PDE1C: variants seen among roughly 807,000 people sequenced by gnomAD.
PDE1C encodes dual specificity calcium/calmodulin-dependent 3',5'-cyclic nucleotide phosphodiesterase 1C.
PDE1C carries 62 observed loss-of-function variants against 93.1 expected under a neutral mutation model. The observed-to-expected ratio is 0.67, with a 90% CI of 0.54 to 0.82. The LOEUF (loss-of-function observed/expected upper bound fraction) is 0.82, where lower values mean the gene tolerates loss of function less well. Ranked by LOEUF, PDE1C falls within the 40% of genes least tolerant of loss-of-function variation. The probability of loss-of-function intolerance (pLI) is 0.00; values close to 1 mark genes in which losing one functional copy is unlikely to be tolerated. For missense variants in PDE1C, 742 were observed against 884.6 expected, an observed-to-expected ratio of 0.84 and a Z score of 2.04; for synonymous variants, 325 against 310.1, an observed-to-expected ratio of 1.05 and a Z score of -0.50.
intron 1 of PDE1C, among the ~76,000 whole-genome samples, chr7:32,341,223 T>G (rs1783745727): frequency 9.1e-6 from 1 of 110,270 alleles, no homozygotes; most frequent in African/African-American, 3.1e-5. Flanking sequence ...TCGCCCAGGC[T>G]GGAGTGCAGT....
At chr7:31,619,254 C>G in the PDE1C span, among the ~76,000 whole-genome samples, 14 of 152,040 alleles carry the variant, frequency 9.2e-5, no homozygotes, top group Admixed American at 5.9e-4. Context: ...GGCATAATGA[C>G]TAGATTTCTG....
chr7:32,134,921 G>GTAAT (rs1230213230), intron 3 of PDE1C, among the ~76,000 whole-genome samples: 1 of 152,104 alleles, frequency 6.6e-6, no homozygotes, highest in Non-Finnish European at 1.5e-5. Flanking sequence ...AACTTAATGT[G>GTAAT]TAATAAATAA....
chr7:32,298,011 T>C (rs56061438), intron 1 of PDE1C, among the ~76,000 whole-genome samples: 1 of 33,276 alleles, frequency 3.0e-5, no homozygotes, highest in Non-Finnish European at 5.3e-5. Context: ...TCTCTCTCTC[T>C]CTCTCCCTCT....
intron 1 of PDE1C, among the ~76,000 whole-genome samples, chr7:32,354,268 A>G (rs938581502): frequency 6.6e-6 from 1 of 152,166 alleles, no homozygotes; most frequent in Non-Finnish European, 1.5e-5. Context: ...TTTTCCCTTC[A>G]TCAATCACAA....
At chr7:31,638,801 G>A in the PDE1C span, among the ~76,000 whole-genome samples, 2 of 151,998 alleles carry the variant, frequency 1.3e-5, no homozygotes, top group Non-Finnish European at 2.9e-5. Context: ...TTTTGAGATG[G>A]AGACTTGCTC....
chr7:32,333,993 G>A (rs185126560), intron 1 of PDE1C, among the ~76,000 whole-genome samples: 4 of 152,254 alleles, frequency 2.6e-5, no homozygotes, highest in Admixed American at 2.0e-4. Context: ...AGGAGAAAGG[G>A]TATTGAAACC....
chr7:31,619,583 G>C, the PDE1C span, among the ~76,000 whole-genome samples: 9 of 152,238 alleles, frequency 5.9e-5, no homozygotes, highest in African/African-American at 2.2e-4. Flanking sequence ...GGTCAAGTAA[G>C]TTTGTAAAGA....
At chr7:32,277,427 G>A (rs1811357634) in intron 1 of PDE1C, among the ~76,000 whole-genome samples, 1 of 152,212 alleles carries the variant, frequency 6.6e-6, no homozygotes, top group African/African-American at 2.4e-5. Context: ...AATGAGATAT[G>A]ATGGATCTGG....
chr7:31,650,589 C>T, the PDE1C span, among the ~76,000 whole-genome samples: 1 of 152,188 alleles, frequency 6.6e-6, no homozygotes, highest in African/African-American at 2.4e-5. Flanking sequence ...CTGCCTTCCT[C>T]AGGGTGGGCT....
At chr7:31,961,826 C>T (rs1364699558) in intron 2 of PDE1C, among the ~76,000 whole-genome samples, 1 of 152,166 alleles carries the variant, frequency 6.6e-6, no homozygotes, top group Admixed American at 6.5e-5. Context: ...ATAAAAATAT[C>T]TCCAGAAACC....
chr7:31,654,066 A>C, the PDE1C span, among the ~76,000 whole-genome samples: 6 of 152,194 alleles, frequency 3.9e-5, no homozygotes, highest in Admixed American at 2.0e-4. Context: ...AAAAAAAAAA[A>C]AAAAAACCAA....
At chr7:31,782,759 A>G (rs748937182) in intron 16 of PDE1C, among the ~76,000 whole-genome samples, 6 of 152,210 alleles carry the variant, frequency 3.9e-5, no homozygotes, top group Non-Finnish European at 8.8e-5. Flanking sequence ...GATGATGCAC[A>G]AGCAATACAC....
intron 3 of PDE1C, among the ~76,000 whole-genome samples, chr7:32,088,759 T>C (rs971131046): frequency 1.6e-4 from 23 of 145,068 alleles, no homozygotes; most frequent in Non-Finnish European, 2.3e-4. Context: ...ACCCGTGAAA[T>C]GGTTCAGGAA....
At chr7:31,754,123 T>G (rs908874200) in intron 17 of PDE1C, among the ~76,000 whole-genome samples, 1 of 152,230 alleles carries the variant, frequency 6.6e-6, no homozygotes, top group Non-Finnish European at 1.5e-5. Context: ...GGAAGATGTA[T>G]GTGTCAAATA....
At chr7:31,834,386 C>T (rs1790800418) in intron 11 of PDE1C, among the ~76,000 whole-genome samples, 1 of 152,126 alleles carries the variant, frequency 6.6e-6, no homozygotes, top group Non-Finnish European at 1.5e-5. Context: ...GCACCATGTG[C>T]CTGGAAAAGC....
intron 16 of PDE1C, among the ~76,000 whole-genome samples, chr7:31,776,847 C>T (rs917364242): frequency 3.3e-5 from 5 of 151,778 alleles, no homozygotes; most frequent in African/African-American, 7.3e-5. Flanking sequence ...AGGTTACTTC[C>T]GTTAGGAGTC....
At chr7:32,068,251 C>T (rs1327162432) in intron 1 of PDE1C, among the ~76,000 whole-genome samples, 1 of 151,514 alleles carries the variant, frequency 6.6e-6, no homozygotes, top group African/African-American at 2.4e-5. Context: ...ACACACCCTT[C>T]CTTCCCCTAA....
At chr7:31,926,214 G>A (rs896298320) in intron 2 of PDE1C, among the ~76,000 whole-genome samples, 3 of 151,986 alleles carry the variant, frequency 2.0e-5, no homozygotes, top group African/African-American at 4.8e-5. Flanking sequence ...GTCCTGAAAC[G>A]ATTTTTCTTT....
At position 32,293,169 on chromosome 7, in the gene PDE1C, C is replaced by T. The variant is rs553997221; in HGVS notation, c.85+5482G>A. Among the ~76,000 whole-genome samples, 9 of 152,302 alleles carry T rather than the reference C, an allele frequency of 5.9e-5. No homozygotes were observed. In the South Asian group the frequency reaches 1.9e-3, roughly 32 times the overall value. ...CAGGCACTGTGCATGGCCCTTCATT[C>T]CCCTGGCCATGTTCACCCACAAGGA... On this transcript the variant is annotated intron_variant, in intron 1 of 18. Transcript: ENST00000396193.
Sources: allele counts gnomAD v4.1 joint callset (sites outside exome capture counted in the v4.1 genomes callset), GRCh38; gene constraint gnomAD v4.1.1; transcripts MANE v1.5; gene names NCBI Gene and HGNC (gene_info 2026-07-23, HGNC 2026-07-21).